YPEL2: variants seen among roughly 807,000 people sequenced by gnomAD.
YPEL2 encodes yippee like 2.
A neutral mutation model predicts 19.1 loss-of-function variants in YPEL2; 2 were observed. That is an observed-to-expected ratio of 0.10 (90% confidence interval 0.04 to 0.33). The LOEUF (loss-of-function observed/expected upper bound fraction) is 0.33. Ranked by LOEUF, YPEL2 falls within the 10% of genes least tolerant of loss-of-function variation. YPEL2 has a pLI of 1.00. For missense variants in YPEL2, 66 were observed against 140.7 expected (o/e 0.47, Z 2.68); for synonymous variants, 52 against 50.0 (o/e 1.04, Z -0.17).
chr17:59,340,505 C>G (rs2047723489), intron 1 of YPEL2, among the ~76,000 whole-genome samples: 1 of 151,738 alleles, frequency 6.6e-6, no homozygotes, highest in African/African-American at 2.4e-5. Context: ...AGGCTCCGCC[C>G]TCCAGGTTCA....
Position 59,391,624 on chromosome 17 carries a change from G to A in YPEL2, c.270+2156G>A, listed in dbSNP as rs545867406. Among the ~76,000 whole-genome samples the A allele has an allele frequency of 1.1e-4, 16 of 152,190 alleles. 1 individual carries two copies. In the South Asian group the frequency reaches 1.7e-3, roughly 16 times the overall value. On this transcript the variant is annotated intron_variant, in intron 4 of 4. Transcript: ENST00000312655. ...ATTACAAACAAAAATGGGGCCAGGC[G>A]TAATAGCTCAGGCCTATAACCCCAG... is the stretch of plus-strand genomic sequence containing the variant.
chr17:59,376,080 A>G (rs1027109821), intron 2 of YPEL2, among the ~76,000 whole-genome samples: 7 of 152,174 alleles, frequency 4.6e-5, no homozygotes, highest in Non-Finnish European at 8.8e-5. Flanking sequence ...TATACCTGTC[A>G]GTTTTAGTCT....
intron 2 of YPEL2, among the ~76,000 whole-genome samples, chr17:59,362,078 A>C (rs1291507833): frequency 2.6e-5 from 4 of 152,310 alleles, no homozygotes; most frequent in South Asian, 4.1e-4. Flanking sequence ...CTTTTAAGCA[A>C]GTAATGACAT....
chr17:59,349,558 G>T (rs111656179), intron 1 of YPEL2, among the ~76,000 whole-genome samples: 1,591 of 151,964 alleles, frequency 0.01, 25 homozygotes, highest in African/African-American at 0.036. Context: ...TGTTGGCCAG[G>T]CTGGTCTCAA....
chr17:59,396,336 G>GT (rs773738298), intron 4 of YPEL2, among the ~76,000 whole-genome samples: 14 of 152,324 alleles, frequency 9.2e-5, no homozygotes, highest in Admixed American at 1.3e-4. Flanking sequence ...TGCACTCCAT[G>GT]AAGTTTATAT....
At chr17:59,389,143 G>A (rs728478) in intron 3 of YPEL2, 333,093 of 547,090 alleles carry the variant, frequency 0.61, 104,839 homozygotes, top group African/African-American at 0.88. Flanking sequence ...AGATTATTTC[G>A]GTAGACCCAC....
chr17:59,397,470 A>T lies in YPEL2; in HGVS notation c.*280A>T, dbSNP rs2048045885. ...ACAAAAGGAACAGATCCTTGACCGC[A>T]TGGCGGCAGCCCACCTTGGTAAGGG... is the stretch of plus-strand genomic sequence containing the variant. On this transcript the variant is annotated 3_prime_UTR_variant, in exon 5 of 5. Transcript: ENST00000312655. 4.1e-6 allele frequency: 1 copy of T among 244,148 alleles called. No individual in the cohort carries two copies. 15.1% of individuals were successfully genotyped at this position (244,148 alleles called of 1,614,324 possible).
chr17:59,347,511 G>C (rs1199543825), intron 1 of YPEL2, among the ~76,000 whole-genome samples: 1 of 152,118 alleles, frequency 6.6e-6, no homozygotes, highest in Non-Finnish European at 1.5e-5. Flanking sequence ...TTTTTAAATA[G>C]ACAACACTGG....
intron 2 of YPEL2, among the ~76,000 whole-genome samples, chr17:59,376,036 C>T (rs2047919210): frequency 6.6e-6 from 1 of 152,192 alleles, no homozygotes; most frequent in African/African-American, 2.4e-5. Context: ...TATCAGTTCA[C>T]ATGTGAAAGT....
chr17:59,395,380 T>G (rs566848960), intron 4 of YPEL2, among the ~76,000 whole-genome samples: 1 of 152,298 alleles, frequency 6.6e-6, no homozygotes, highest in South Asian at 2.1e-4. Flanking sequence ...CCTCAATTCC[T>G]TACTAATTCT....
intron 4 of YPEL2, among the ~76,000 whole-genome samples, chr17:59,390,432 C>T (rs1367086191): frequency 6.6e-6 from 1 of 152,190 alleles, no homozygotes; most frequent in Non-Finnish European, 1.5e-5. Flanking sequence ...GTGAGCCACA[C>T]TGTTGCCTGG....
At chr17:59,331,893 T>TGGGTCCCCGGCCCCGGCCTCC (rs2047671507) in intron 1 of YPEL2, 69 bp downstream of exon 1, 1 of 151,190 alleles carries the variant, frequency 6.6e-6, no homozygotes, top group Non-Finnish European at 1.5e-5. Context: ...GCTCGGGCTC[T>TGGGTCCCCGGCCCCGGCCTCC]GGGTCCCCGG....
chr17:59,353,958 T>C lies in YPEL2; in HGVS notation c.117+432T>C, dbSNP rs1003239762. ...GAGCCACCAGGAAGTTGTGAGACTG[T>C]GGAATTACTAAAATGGGTGGCTTTT... is the stretch of plus-strand genomic sequence containing the variant. On this transcript the variant is annotated intron_variant, in intron 2 of 4. Coordinates refer to ENST00000312655, the MANE Select transcript of YPEL2 (RefSeq NM_001005404.4). The surrounding 1 kb of genome is among the most constrained non-coding windows in gnomAD (Gnocchi z 4.8). The C allele has an allele frequency of 3.6e-6, 1 of 279,766 alleles. No homozygotes were observed. The highest frequency in any genetic ancestry group is 2.2e-5 in the African/African-American group (1 of 45,048). The allele number at this position is 279,766 out of a possible 1,614,324, so 17.3% of individuals were successfully genotyped here. A position where few individuals can be genotyped will look rare whatever the true frequency, so the allele number is the denominator to read the frequency against.
In YPEL2 at chr17:59,379,856, T is replaced by TTTTTG. The variant is rs138395997; in HGVS notation, c.118-8450_118-8446dup. ...ACTCAGCACATCAATAAGTTTGGGG[T>TTTTTG]TTTTGTTTTGTTTTGTTTTGTTTTG... On this transcript the variant is annotated intron_variant, in intron 2 of 4. Coordinates refer to ENST00000312655, the MANE Select transcript of YPEL2 (RefSeq NM_001005404.4). Among the ~76,000 whole-genome samples, 1,002 of 149,330 alleles carry TTTTTG rather than the reference T, an allele frequency of 6.7e-3. 13 individuals are homozygous for TTTTTG. Among genetic ancestry groups the TTTTTG allele is most frequent in the African/African-American group, 0.021 (857 of 40,016 alleles).
chr17:59,372,061 TCCC>T (rs1035573796), intron 2 of YPEL2, among the ~76,000 whole-genome samples: 2 of 151,928 alleles, frequency 1.3e-5, no homozygotes, highest in Non-Finnish European at 2.9e-5. Context: ...CAAGGAGAGG[TCCC>T]CCATCATGGC....
At chr17:59,358,914 T>C (rs2047826797) in intron 2 of YPEL2, among the ~76,000 whole-genome samples, 1 of 141,476 alleles carries the variant, frequency 7.1e-6, no homozygotes, top group Non-Finnish European at 1.5e-5. Context: ...GGCCTTTTTT[T>C]TTTTCCTTTT....
At chr17:59,395,127 T>C (rs1205344463) in intron 4 of YPEL2, among the ~76,000 whole-genome samples, 1 of 152,160 alleles carries the variant, frequency 6.6e-6, no homozygotes, top group Non-Finnish European at 1.5e-5. Context: ...TTAGTTTTGC[T>C]TTTTCCTCCT....
At chr17:59,340,421 AT>A (rs915335264) in intron 1 of YPEL2, among the ~76,000 whole-genome samples, 137 of 107,840 alleles carry the variant, frequency 1.3e-3, no homozygotes, top group East Asian at 5.4e-3. Context: ...AACTTTATTT[AT>A]TTTTTTTTTT....
At chr17:59,371,681 T>TG (rs1422117485) in intron 2 of YPEL2, among the ~76,000 whole-genome samples, 1 of 152,158 alleles carries the variant, frequency 6.6e-6, no homozygotes, top group Non-Finnish European at 1.5e-5. Context: ...AAGGAGCCAG[T>TG]GGACAGAATG....
Sources: gnomAD v4.1 joint callset for allele counts (sites outside exome capture counted in the v4.1 genomes callset) on GRCh38, gnomAD v4.1.1 for gene constraint, Gnocchi (gnomAD v3.1) non-coding constraint, MANE v1.5 for transcripts, NCBI Gene and HGNC (gene_info 2026-07-23, HGNC 2026-07-21) for gene names.